Variants in ARID3B observed in about 807,000 individuals in gnomAD.
ARID3B encodes AT-rich interactive domain-containing protein 3B.
Under a neutral mutation model 51.9 loss-of-function variants are expected in ARID3B, and 10 were observed. That is an observed-to-expected ratio of 0.19 (90% CI 0.12 to 0.33). The LOEUF is 0.33. ARID3B is among the 10% of genes least tolerant of loss of function. The pLI is 1.00. For synonymous variants in ARID3B, 205 were observed against 279.5 expected (o/e 0.73, Z 2.66); for missense variants, 483 against 716.3 (o/e 0.67, Z 3.72).
intron 2 of ARID3B, among the ~76,000 whole-genome samples, chr15:74,567,276 A>T (rs1483867981): frequency 6.6e-6 from 1 of 152,066 alleles, no homozygotes; most frequent in Non-Finnish European, 1.5e-5. Context: ...CCTTCAACCC[A>T]TTCTTCAAGG....
intron 4 of ARID3B, chr15:74,574,702 TA>T (rs900856534): frequency 2.0e-5 from 3 of 152,074 alleles, no homozygotes; most frequent in Admixed American, 2.0e-4. Context: ...CATGTGTCAG[TA>T]AAAAACAATA....
intron 4 of ARID3B, among the ~76,000 whole-genome samples, chr15:74,578,174 T>C (rs946468680): frequency 6.6e-6 from 1 of 150,534 alleles, no homozygotes; most frequent in Non-Finnish European, 1.5e-5. Flanking sequence ...TTTTTGTTTT[T>C]TTTTGTTTTT....
At chr15:74,567,483 A>G (rs564081503) in intron 2 of ARID3B, among the ~76,000 whole-genome samples, 11 of 151,314 alleles carry the variant, frequency 7.3e-5, no homozygotes, top group African/African-American at 1.7e-4. Context: ...ACAATGCTCT[A>G]CCTGGGGTAG....
intron 4 of ARID3B, among the ~76,000 whole-genome samples, chr15:74,589,045 T>C: frequency 8.2e-6 from 1 of 121,922 alleles, no homozygotes. Context: ...TTTTTTTTTT[T>C]TTTTAAGACA....
At chr15:74,572,566 C>T (rs2061722811) in intron 2 of ARID3B, among the ~76,000 whole-genome samples, 1 of 152,162 alleles carries the variant, frequency 6.6e-6, no homozygotes, top group South Asian at 2.1e-4. Flanking sequence ...GTGTCCTCCT[C>T]TTCCAGGATT....
At chr15:74,572,738 G>A (rs775856451) in intron 2 of ARID3B, 124 bp from the exon 3 acceptor site, 1 of 895,126 alleles carries the variant, frequency 1.1e-6, no homozygotes, top group South Asian at 1.4e-5. Context: ...GTCTTTTATA[G>A]TATGAGTGAG....
At position 74,575,838 on chromosome 15, in the gene ARID3B, A is replaced by T. The variant is rs575596111; in HGVS notation, c.697+2634A>T. On this transcript the variant is annotated intron_variant, in intron 4 of 8. Coordinates refer to ENST00000346246, the MANE Select transcript of ARID3B (RefSeq NM_006465.4). ...CTTTAATAAAAGGTTTCTCAGCCTC[A>T]GCACTGTTGACTTTGGGATGGGTAG... 4.6e-5 allele frequency among the ~76,000 whole-genome samples: 7 copies of T among 152,318 alleles called. No homozygotes were observed. The East Asian group carries it at 1.3e-3, about 29-fold the overall frequency.
intron 4 of ARID3B, among the ~76,000 whole-genome samples, chr15:74,578,179 G>C (rs8025908): frequency 7.1e-6 from 1 of 140,920 alleles, no homozygotes; most frequent in Admixed American, 7.1e-5. Flanking sequence ...GTTTTTTTTT[G>C]TTTTTTTTGT....
rs1359997035 is a variant in ARID3B, at chr15:74,579,870, T to TGC, written c.697+6667_697+6668insCG. The stretch of plus-strand genomic sequence containing the variant: ...GTGTGTGTGTGTGTGTGTGTGTGTG[T>TGC]GTGCGCGCGCGCGCACACGCAAAAA... On this transcript the variant is annotated intron_variant, in intron 4 of 8. Transcript: ENST00000346246. 4.7e-3 allele frequency among the ~76,000 whole-genome samples: 574 copies of TGC among 121,666 alleles called. 1 individual carries two copies. Among genetic ancestry groups the TGC allele is most frequent in the Middle Eastern group, 0.012 (3 of 246 alleles). The allele number at this position is 121,666 out of a possible 152,430, so 79.8% of individuals were successfully genotyped here.
chr15:74,584,222 C>T (rs2061771924), intron 4 of ARID3B, among the ~76,000 whole-genome samples: 1 of 152,160 alleles, frequency 6.6e-6, no homozygotes, highest in Non-Finnish European at 1.5e-5. Flanking sequence ...TTGTGATATT[C>T]TCTATATGAA....
chr15:74,561,231 A>T (rs925595878), intron 2 of ARID3B, among the ~76,000 whole-genome samples: 2 of 152,154 alleles, frequency 1.3e-5, no homozygotes, highest in African/African-American at 4.8e-5. Flanking sequence ...AATATTCTCT[A>T]TTCTTAATAC....
chr15:74,573,897 A>G (rs1467555916), intron 4 of ARID3B: 1 of 152,124 alleles, frequency 6.6e-6, no homozygotes, highest in African/African-American at 2.4e-5. Flanking sequence ...GCGTACCACC[A>G]CACCTGGCTA....
In ARID3B at chr15:74,597,091, C is replaced by A. The variant is rs2061829636; in HGVS notation, c.*1317C>A. 4.2e-6 allele frequency: 1 copy of A among 238,664 alleles called. No homozygotes were observed. The highest frequency in any genetic ancestry group is 2.2e-5 in the African/African-American group (1 of 45,374). The allele number at this position is 238,664 out of a possible 1,614,324, so 14.8% of individuals were successfully genotyped here. ...AGGGAGGCAGAGGACACCTCCCCAT[C>A]ACTCAGCATTCCCAGCTCAGGGCAC... On this transcript the variant is annotated 3_prime_UTR_variant, in exon 9 of 9. Coordinates refer to ENST00000346246, the MANE Select transcript of ARID3B (RefSeq NM_006465.4).
chr15:74,560,035 A>AAAAAAAAAAAAAAAAAAAAAAAC, intron 2 of ARID3B, among the ~76,000 whole-genome samples: 2 of 142,014 alleles, frequency 1.4e-5, no homozygotes, highest in Non-Finnish European at 3.1e-5. Flanking sequence ...CTCTACTAAA[A>AAAAAAAAAAAAAAAAAAAAAAAC]AAAAAACCAC....
intron 5 of ARID3B, 85 bp downstream of exon 5, chr15:74,590,088 C>T: frequency 1.4e-6 from 2 of 1,403,012 alleles, no homozygotes; most frequent in Non-Finnish European, 1.9e-6. Flanking sequence ...AAGGAAATTC[C>T]TTTGTATGGT....
rs752755059 is a variant in ARID3B, at chr15:74,595,809, T to G, written c.*35T>G. 1 of 1,577,280 alleles carries G rather than the reference T, an allele frequency of 6.3e-7. No individual in the cohort carries two copies. The highest frequency in any genetic ancestry group is 1.4e-5 in the African/African-American group (1 of 73,422). On this transcript the variant is annotated 3_prime_UTR_variant, in exon 9 of 9. Transcript: ENST00000346246. ...CCCAGCTTCCCACTTGCCACTCTCC[T>G]GTCGAGAGTGAAGGAAGTTGATGCA...
At chr15:74,575,342 A>G (rs921168155) in intron 4 of ARID3B, among the ~76,000 whole-genome samples, 11 of 152,218 alleles carry the variant, frequency 7.2e-5, no homozygotes, top group East Asian at 3.9e-4. Flanking sequence ...GTTTACTACT[A>G]TATGTCCCCA....
At chr15:74,578,955 G>A (rs887420082) in intron 4 of ARID3B, among the ~76,000 whole-genome samples, 1 of 152,192 alleles carries the variant, frequency 6.6e-6, no homozygotes, top group African/African-American at 2.4e-5. Context: ...AGAAAGAAAC[G>A]AAAGAAAATA....
rs1160693705 is a variant in ARID3B at position 74,598,085 on chromosome 15, T to C, written c.*2311T>C. 1 of 511,744 alleles carries C rather than the reference T, an allele frequency of 2.0e-6. No homozygotes were observed. The highest frequency in any genetic ancestry group is 2.3e-5 in the Admixed American group (1 of 43,590). 31.7% of individuals were successfully genotyped at this position (511,744 alleles called of 1,614,324 possible). A position where few individuals can be genotyped will look rare whatever the true frequency, so the allele number is the denominator to read the frequency against. ...TGTTGTGGTTATTTTCTATCTTACA[T>C]GTTCTCGAATGTTTATATTTCAATA... is the stretch of plus-strand genomic sequence containing the variant. On this transcript the variant is annotated 3_prime_UTR_variant, in exon 9 of 9. Transcript: ENST00000346246.
Sources: gnomAD v4.1 joint callset for allele counts (sites outside exome capture counted in the v4.1 genomes callset) on GRCh38, gnomAD v4.1.1 for gene constraint, MANE v1.5 for transcripts, NCBI Gene and HGNC (gene_info 2026-07-23, HGNC 2026-07-21) for gene names.